The following STKLD1 variants were observed in gnomAD, a reference collection of about 807,000 sequenced individuals.
The protein encoded by STKLD1 is serine/threonine kinase like domain containing 1, also known as serine/threonine kinase-like domain-containing protein STKLD1.
In STKLD1, 79 loss-of-function variants were observed where a neutral mutation model predicts 80.4. The observed-to-expected ratio is 0.98, with a 90% CI of 0.82 to 1.19. The LOEUF (loss-of-function observed/expected upper bound fraction) is 1.19, where lower values mean the gene tolerates loss of function less well. Ranked by LOEUF, STKLD1 falls within the 50% of genes most tolerant of loss-of-function variation. The pLI is 0.00. For synonymous variants in STKLD1, 393 were observed against 357.6 expected (o/e 1.10, Z -1.12); for missense variants, 841 against 856.0 (o/e 0.98, Z 0.22).
At chr9:133,396,559 G>C (rs993914136) in intron 9 of STKLD1, among the ~76,000 whole-genome samples, 1 of 151,986 alleles carries the variant, frequency 6.6e-6, no homozygotes, top group Non-Finnish European at 1.5e-5. Context: ...TTCGAGACCA[G>C]CCTGGCCAAC....
chr9:133,389,230 C>T lies in STKLD1; in HGVS notation c.397-296C>T, dbSNP rs1838329302. ...AGCTCCCAGCAAGTGTGGGGCAGCG[C>T]GGGCCACAGAGTAGGGTGCAGGGAT... On this transcript the variant is annotated intron_variant, in intron 5 of 17. Coordinates refer to ENST00000371957, the MANE Select transcript of STKLD1 (RefSeq NM_153710.5). The surrounding 1 kb of genome is among the most constrained non-coding windows in gnomAD (Gnocchi z 6.4). 20 of 985,240 alleles carry T rather than the reference C, an allele frequency of 2.0e-5. No homozygotes were observed. The highest frequency in any genetic ancestry group is 9.4e-5 in the South Asian group (2 of 21,290). 61.0% of individuals were successfully genotyped at this position (985,240 alleles called of 1,614,324 possible).
intron 1 of STKLD1, among the ~76,000 whole-genome samples, chr9:133,377,297 TTTTACTG>T (rs1838002747): frequency 6.6e-6 from 1 of 152,162 alleles, no homozygotes; most frequent in African/African-American, 2.4e-5. Context: ...TACGGCTCCA[TTTTACTG>T]TTTAATTTGC....
intron 7 of STKLD1, among the ~76,000 whole-genome samples, chr9:133,391,555 A>G (rs111315090): frequency 0.068 from 10,331 of 151,712 alleles, 415 homozygotes; most frequent in Middle Eastern, 0.095. Flanking sequence ...CTGTTGATCT[A>G]TGACCTTACC....
At chr9:133,395,876 A>G in intron 9 of STKLD1, 113 bp downstream of exon 9, 3 of 1,087,404 alleles carry the variant, frequency 2.8e-6, no homozygotes, top group Non-Finnish European at 4.0e-6. Flanking sequence ...ACTCCATCAC[A>G]GATGCCCTGA....
chr9:133,395,381 C>T (rs1164170516), intron 8 of STKLD1, among the ~76,000 whole-genome samples: 1 of 152,176 alleles, frequency 6.6e-6, no homozygotes, highest in African/African-American at 2.4e-5. Flanking sequence ...CAGGACTCCA[C>T]CCCGGGAGAC....
chr9:133,383,970 C>T, intron 3 of STKLD1, 70 bp downstream of exon 3: 2 of 1,426,090 alleles, frequency 1.4e-6, no homozygotes, highest in South Asian at 1.1e-5. Flanking sequence ...TCTGTACCTT[C>T]TTGTTGAGTG....
chr9:133,400,555 G>C, intron 12 of STKLD1, 26 bp downstream of exon 12: 7 of 1,569,024 alleles, frequency 4.5e-6, no homozygotes, highest in Non-Finnish European at 6.1e-6. Flanking sequence ...GGCCAGATGG[G>C]GTCGGGGAGG....
In STKLD1 at chr9:133,385,372, A is replaced by G. The variant is rs1838240585; in HGVS notation, c.220-245A>G. Among the ~76,000 whole-genome samples, 1 of 152,054 alleles carries G rather than the reference A, an allele frequency of 6.6e-6. No individual in the cohort carries two copies. Among genetic ancestry groups the G allele is most frequent in the South Asian group, 2.1e-4 (1 of 4,826 alleles). On this transcript the variant is annotated intron_variant, in intron 3 of 17. Transcript: ENST00000371957. The surrounding 1 kb of genome is among the most constrained non-coding windows in gnomAD (Gnocchi z 4.9). The stretch of plus-strand genomic sequence containing the variant: ...GTATCCCTGTGAGGCAGATTCCACT[A>G]GGACCCCCATTTTCAGATGACTATA...
chr9:133,379,592 G>A (rs2130261340), intron 2 of STKLD1, among the ~76,000 whole-genome samples: 3 of 152,188 alleles, frequency 2.0e-5, no homozygotes, highest in Admixed American at 6.5e-5. Context: ...CAGAGAGGAT[G>A]GGGACTGGCT....
In STKLD1 at chr9:133,379,077, G is replaced by C. The variant is rs980226807; in HGVS notation, c.129G>C (p.Leu43=). The C allele has an allele frequency of 2.5e-6, 4 of 1,614,062 alleles. No individual in the cohort carries two copies. The highest frequency in any genetic ancestry group is 2.5e-6 in the Non-Finnish European group (3 of 1,179,932). Residue 43 remains leucine, a synonymous_variant, in exon 2 of 18, where the codon CTG becomes CTC. Transcript: ENST00000371957. ...QLNPGALGVN[L]VVEEMETKVK... ...ATCCTGGGGCCTTGGGGGTGAACCTGGTGGTGGAGGAAATGGAAACCAAAG... is the reference window on the plus strand; with the variant it reads ...ATCCTGGGGCCTTGGGGGTGAACCTCGTGGTGGAGGAAATGGAAACCAAAG...
At chr9:133,383,743 G>A in intron 2 of STKLD1, 113 bp from the exon 3 acceptor site, 1 of 913,802 alleles carries the variant, frequency 1.1e-6, no homozygotes, top group South Asian at 1.4e-5. Flanking sequence ...GGTTGTGGTG[G>A]AGGTGGTGGC....
rs2130279947 is a variant in STKLD1, at chr9:133,387,548, G to C, written c.396G>C (p.Glu132Asp). Residue 132 changes from glutamate to aspartate, a missense_variant and splice_region_variant, in exon 5 of 18, where the codon GAG (glutamate) becomes GAC (aspartate). By Grantham distance (45) the Glu-to-Asp change is conservative. Transcript: ENST00000371957. The stretch of plus-strand genomic sequence containing the variant: ...AGGCAAAGAAAATCATTGACTCTGA[G>C]GTGAGGTCCTTTGGGGCACCAGGCC... ...KRKAKKIIDSEWMQNVLGQVL... is the reference protein window; with the variant it reads ...KRKAKKIIDSDWMQNVLGQVL... 1 of 1,613,554 alleles carries C rather than the reference G, an allele frequency of 6.2e-7. No individual in the cohort carries two copies. Among genetic ancestry groups the C allele is most frequent in the Non-Finnish European group, 8.5e-7 (1 of 1,179,576 alleles).
chr9:133,386,201 G>T (rs2130277047), intron 4 of STKLD1, among the ~76,000 whole-genome samples: 1 of 152,204 alleles, frequency 6.6e-6, no homozygotes, highest in African/African-American at 2.4e-5. Flanking sequence ...TTAGAGGCGT[G>T]AGCCACCACG....
At chr9:133,377,904 C>T (rs1313571612) in intron 1 of STKLD1, among the ~76,000 whole-genome samples, 2 of 152,126 alleles carry the variant, frequency 1.3e-5, no homozygotes, top group East Asian at 3.8e-4. Context: ...CTAGACCATC[C>T]TCTCGGGATG....
chr9:133,398,775 C>A (rs1838623563), intron 11 of STKLD1, among the ~76,000 whole-genome samples: 1 of 152,174 alleles, frequency 6.6e-6, no homozygotes, highest in African/African-American at 2.4e-5. Flanking sequence ...TCTCAGAAAA[C>A]AAAACCAAAC....
chr9:133,397,605 C>T (rs1417300328), intron 10 of STKLD1, among the ~76,000 whole-genome samples: 1 of 152,162 alleles, frequency 6.6e-6, no homozygotes, highest in Non-Finnish European at 1.5e-5. Flanking sequence ...TAGTCACTGC[C>T]CACGCCTCCC....
intron 11 of STKLD1, among the ~76,000 whole-genome samples, chr9:133,398,297 A>G (rs1030110942): frequency 4.6e-5 from 7 of 152,198 alleles, no homozygotes; most frequent in African/African-American, 1.7e-4. Context: ...GGAGCCACAG[A>G]CATCCCATCT....
Position 133,397,963 on chromosome 9 carries a change from T to A in STKLD1, c.998-9T>A. Reference sequence around the variant, plus strand: ...GAAAGGTCCCTCCCCTGCCTTCCTGTCCCTGCAGAGGTCATGCAGAAATTC... The same window carrying A: ...GAAAGGTCCCTCCCCTGCCTTCCTGACCCTGCAGAGGTCATGCAGAAATTC... On this transcript the variant is annotated splice_polypyrimidine_tract_variant and intron_variant, in intron 10 of 17. Transcript: ENST00000371957. The A allele has an allele frequency of 1.9e-6, 3 of 1,612,038 alleles. No individual in the cohort carries two copies. The highest frequency in any genetic ancestry group is 2.5e-6 in the Non-Finnish European group (3 of 1,178,956).
chr9:133,403,649 T>C, intron 14 of STKLD1, 51 bp from the exon 15 acceptor site: 1 of 1,587,952 alleles, frequency 6.3e-7, no homozygotes, highest in Non-Finnish European at 8.6e-7. Flanking sequence ...AAGGCCCCCC[T>C]GCACACACCC....
Sources: gnomAD v4.1 joint callset for allele counts (sites outside exome capture counted in the v4.1 genomes callset) on GRCh38, gnomAD v4.1.1 for gene constraint, Gnocchi (gnomAD v3.1) non-coding constraint, MANE v1.5 for transcripts, NCBI Gene and HGNC (gene_info 2026-07-23, HGNC 2026-07-21) for gene names.